Variants in C4orf51 observed in about 807,000 individuals in gnomAD.
C4orf51 encodes the protein uncharacterized protein C4orf51.
Under a neutral mutation model 25.2 loss-of-function variants are expected in C4orf51, and 25 were observed. That is an observed-to-expected ratio of 0.99 (90% CI 0.72 to 1.39). The LOEUF is 1.39. Ranked by LOEUF, C4orf51 falls within the 40% of genes most tolerant of loss-of-function variation. The pLI, the probability that C4orf51 is intolerant of heterozygous loss-of-function variation, is 0.00. For missense variants in C4orf51, 252 were observed against 239.6 expected (o/e 1.05, Z -0.34); for synonymous variants, 100 against 84.5 (o/e 1.18, Z -1.01).
intron 3 of C4orf51, among the ~76,000 whole-genome samples, chr4:145,727,466 C>G (rs1732126175): frequency 6.6e-6 from 1 of 152,124 alleles, no homozygotes; most frequent in South Asian, 2.1e-4. Flanking sequence ...CCTCTGTAAC[C>G]TGCTTTTATC....
intron 4 of C4orf51, 90 bp from the exon 5 acceptor site, chr4:145,729,802 A>C (rs912126061): frequency 7.4e-6 from 8 of 1,087,362 alleles, no homozygotes; most frequent in African/African-American, 3.1e-5. Context: ...CTATTGATTT[A>C]AAACAAGGTT....
intron 1 of C4orf51, among the ~76,000 whole-genome samples, chr4:145,688,200 TAA>T (rs554716520): frequency 0.085 from 8,327 of 98,526 alleles, 274 homozygotes; most frequent in Middle Eastern, 0.2. Flanking sequence ...GATCCTACCT[TAA>T]AAAAAAAAAA....
downstream of C4orf51, among the ~76,000 whole-genome samples, chr4:145,757,098 TTC>T (rs540667367): frequency 5.3e-5 from 8 of 151,796 alleles, no homozygotes; most frequent in East Asian, 3.9e-4. Context: ...TTTCATTTCT[TTC>T]TCTCTCTGTC....
chr4:145,782,018 G>C, the C4orf51 span, among the ~76,000 whole-genome samples: 1 of 152,186 alleles, frequency 6.6e-6, no homozygotes, highest in Non-Finnish European at 1.5e-5. Flanking sequence ...GAAAGCTACC[G>C]AGGCTGTGCT....
intron 2 of C4orf51, among the ~76,000 whole-genome samples, chr4:145,708,166 T>C (rs140305544): frequency 6.3e-4 from 96 of 152,330 alleles, no homozygotes; most frequent in African/African-American, 2.3e-3. Flanking sequence ...TGAGCTCACC[T>C]CCTTTCCCTT....
At chr4:145,704,188 A>G (rs111771856) in intron 2 of C4orf51, among the ~76,000 whole-genome samples, 1 of 152,108 alleles carries the variant, frequency 6.6e-6, no homozygotes, top group Non-Finnish European at 1.5e-5. Flanking sequence ...ATAGATGGTA[A>G]ATGTTTCTTT....
chr4:145,781,195 C>CAAAAAAAAAAAAAAAA, the C4orf51 span, among the ~76,000 whole-genome samples: 16 of 56,540 alleles, frequency 2.8e-4, no homozygotes, highest in East Asian at 1.4e-3. Flanking sequence ...GACACCATCT[C>CAAAAAAAAAAAAAAAA]AAAAAAAAAA....
At chr4:145,760,971 G>A (rs1326577337) in intron 1 of C4orf51, 2 of 1,242,058 alleles carry the variant, frequency 1.6e-6, no homozygotes, top group Non-Finnish European at 2.1e-6. Flanking sequence ...AGCGCAAAGG[G>A]GAGCCGTTGA....
intron 1 of C4orf51, chr4:145,764,587 T>G: frequency 4.7e-6 from 1 of 211,476 alleles, no homozygotes; most frequent in Non-Finnish European, 9.5e-6. Context: ...ACTTAAAGGA[T>G]ATGTAGCAAG....
the C4orf51 span, among the ~76,000 whole-genome samples, chr4:145,776,826 T>TAAATA: frequency 1.4e-3 from 210 of 152,352 alleles, 1 homozygote; most frequent in African/African-American, 4.8e-3. Context: ...TCATTTTACA[T>TAAATA]AAATAAAGAA....
chr4:145,688,093 C>T (rs576531564), intron 1 of C4orf51, among the ~76,000 whole-genome samples: 7 of 150,190 alleles, frequency 4.7e-5, no homozygotes, highest in East Asian at 2.0e-4. Context: ...TCCAGCTACT[C>T]GGGAGGCTGA....
chr4:145,717,145 G>C (rs989107487), intron 2 of C4orf51, among the ~76,000 whole-genome samples: 1 of 152,088 alleles, frequency 6.6e-6, no homozygotes, highest in Non-Finnish European at 1.5e-5. Flanking sequence ...CCTGTGGCCT[G>C]CTAGACCTGC....
Position 145,703,332 on chromosome 4 carries a change from C to A in C4orf51, c.307+6700C>A, listed in dbSNP as rs550846280. Reference sequence around the variant, plus strand: ...CCACTCCTGCCCGCCAGAGAACAAACCCCCTTTGACTGTAATTTTCCTTTA... The same window carrying A: ...CCACTCCTGCCCGCCAGAGAACAAAACCCCTTTGACTGTAATTTTCCTTTA... On this transcript the variant is annotated intron_variant, in intron 2 of 5. Coordinates refer to ENST00000438731, the MANE Select transcript of C4orf51 (RefSeq NM_001080531.3). 3.0e-4 allele frequency among the ~76,000 whole-genome samples: 45 copies of A among 152,060 alleles called. 2 individuals are homozygous for A. The South Asian group carries it at 8.1e-3, about 27-fold the overall frequency.
downstream of C4orf51, chr4:145,757,748 G>A (rs1211294094): frequency 2.0e-5 from 3 of 151,544 alleles, no homozygotes; most frequent in Non-Finnish European, 4.4e-5. Context: ...AAATGACCCT[G>A]TACAGCCTCG....
intron 1 of C4orf51, among the ~76,000 whole-genome samples, chr4:145,695,085 T>A (rs1176529143): frequency 1.3e-5 from 2 of 152,186 alleles, no homozygotes; most frequent in Non-Finnish European, 2.9e-5. Flanking sequence ...TGATTTATAA[T>A]CCTCTGAGTA....
chr4:145,680,213 T>C lies in C4orf51; in HGVS notation c.10T>C (p.Tyr4His), dbSNP rs1728736625. 2 of 1,612,190 alleles carry C rather than the reference T, an allele frequency of 1.2e-6. No homozygotes were observed. Among genetic ancestry groups the C allele is most frequent in the East Asian group, 4.5e-5 (2 of 44,862 alleles). MSH[Y>H]FYLTPQILLP... ...GAGGCCGTTCGTAGTTATGTCACAC[T>C]ACTTCTACTTGACTCCACAAATTCT... is the stretch of plus-strand genomic sequence containing the variant. Residue 4 changes from tyrosine to histidine, a missense_variant, in exon 1 of 6, where the codon TAC (tyrosine) becomes CAC (histidine). Physicochemically the swap from Tyr to His is moderately conservative, Grantham distance 83 (BLOSUM62 2). Transcript: ENST00000438731.
chr4:145,727,955 AAT>A (rs1732181403), intron 3 of C4orf51, among the ~76,000 whole-genome samples: 1 of 122,848 alleles, frequency 8.1e-6, no homozygotes, highest in South Asian at 2.5e-4. Context: ...TATATATAAT[AAT>A]ATAATATATA....
chr4:145,773,750 T>C (rs1247559958), downstream of C4orf51, among the ~76,000 whole-genome samples: 4 of 152,152 alleles, frequency 2.6e-5, no homozygotes, highest in African/African-American at 4.8e-5. Context: ...TAGACAGTGA[T>C]GGGTTTGTTT....
At chr4:145,720,358 G>A (rs1423679388) in intron 2 of C4orf51, among the ~76,000 whole-genome samples, 2 of 152,098 alleles carry the variant, frequency 1.3e-5, no homozygotes, top group African/African-American at 4.8e-5. Context: ...GGGGCCAACA[G>A]GAAGACTCTC....
Sources: gnomAD v4.1 joint callset for allele counts (sites outside exome capture counted in the v4.1 genomes callset) on GRCh38, gnomAD v4.1.1 for gene constraint, MANE v1.5 for transcripts, NCBI Gene and HGNC (gene_info 2026-07-23, HGNC 2026-07-21) for gene names.